NRXN1: variants seen among roughly 807,000 people sequenced by gnomAD.
The protein encoded by NRXN1 is neurexin 1, also known as neurexin-1.
NRXN1 carries 39 observed loss-of-function variants against 150.9 expected under a neutral mutation model. The observed-to-expected ratio is 0.26, with a 90% CI of 0.20 to 0.34. The LOEUF (loss-of-function observed/expected upper bound fraction) is 0.34. Among genes scored for constraint, NRXN1 ranks in the 10% least tolerant of loss-of-function variants. NRXN1 has a pLI of 1.00. For synonymous variants in NRXN1, 924 were observed against 757.0 expected (o/e 1.22, Z -3.62); for missense variants, 1,815 against 1,949.9 (o/e 0.93, Z 1.30).
intron 5 of NRXN1, among the ~76,000 whole-genome samples, chr2:50,741,745 T>C (rs2105275200): frequency 6.6e-6 from 1 of 152,264 alleles, no homozygotes; most frequent in Admixed American, 6.5e-5. Flanking sequence ...AGCACCTTAA[T>C]GAATAAAATG....
chr2:50,755,716 T>C (rs941758625), intron 5 of NRXN1, among the ~76,000 whole-genome samples: 1 of 151,840 alleles, frequency 6.6e-6, no homozygotes, highest in Non-Finnish European at 1.5e-5. Flanking sequence ...TCAAATTGGA[T>C]CACACTTTAC....
chr2:50,416,268 G>A (rs1269416962), intron 17 of NRXN1, among the ~76,000 whole-genome samples: 2 of 152,016 alleles, frequency 1.3e-5, no homozygotes, highest in East Asian at 3.9e-4. Context: ...GCCTCACTGA[G>A]CAAATAAAAT....
intron 5 of NRXN1, among the ~76,000 whole-genome samples, chr2:50,644,982 T>C (rs1245812561): frequency 6.6e-6 from 1 of 152,004 alleles, no homozygotes; most frequent in Admixed American, 6.6e-5. Context: ...CTCTTCAGTT[T>C]GATCTTGCAT....
intron 17 of NRXN1, among the ~76,000 whole-genome samples, chr2:50,422,232 G>A (rs959539222): frequency 6.6e-6 from 1 of 152,032 alleles, no homozygotes; most frequent in Admixed American, 6.6e-5. Context: ...GATGTTAGAG[G>A]CTCTAATTGC....
At chr2:50,931,753 G>A (rs1395653826) in intron 2 of NRXN1, among the ~76,000 whole-genome samples, 1 of 152,004 alleles carries the variant, frequency 6.6e-6, no homozygotes, top group Admixed American at 6.6e-5. Context: ...TAATTTCAAA[G>A]TTTTATGAAA....
At chr2:50,888,277 A>T (rs1291939381) in intron 5 of NRXN1, among the ~76,000 whole-genome samples, 1 of 151,698 alleles carries the variant, frequency 6.6e-6, no homozygotes, top group African/African-American at 2.4e-5. Context: ...ATTGGTCAAG[A>T]TCAAACAATT....
chr2:50,984,477 T>C (rs1404651615), intron 2 of NRXN1, among the ~76,000 whole-genome samples: 1 of 152,080 alleles, frequency 6.6e-6, no homozygotes, highest in Non-Finnish European at 1.5e-5. Flanking sequence ...TACAGACCCT[T>C]TGCCTAATAT....
intron 18 of NRXN1, among the ~76,000 whole-genome samples, chr2:50,210,107 G>T (rs1028207837): frequency 6.6e-6 from 1 of 151,818 alleles, no homozygotes; most frequent in East Asian, 1.9e-4. Flanking sequence ...AACAGAATTG[G>T]TCCAGTCAAG....
At chr2:50,961,798 G>A (rs1381255921) in intron 2 of NRXN1, among the ~76,000 whole-genome samples, 2 of 151,400 alleles carry the variant, frequency 1.3e-5, no homozygotes, top group Non-Finnish European at 3.0e-5. Flanking sequence ...CAACAAGGAG[G>A]GATTTTGTTA....
chr2:50,701,313 T>A (rs1185939863), intron 5 of NRXN1, among the ~76,000 whole-genome samples: 1 of 152,192 alleles, frequency 6.6e-6, no homozygotes, highest in African/African-American at 2.4e-5. Context: ...ATTATTATAT[T>A]GACTCTTCCA....
At position 50,346,832 on chromosome 2, in the gene NRXN1, T is replaced by A; in HGVS notation, c.3365-109862A>T. The A allele has an allele frequency of 6.2e-7, 1 of 1,610,500 alleles. No homozygotes were observed. The highest frequency in any genetic ancestry group is 8.5e-7 in the Non-Finnish European group (1 of 1,178,954). ...GCCACTCCTAGGAGGCCGCTGAGGG[T>A]GAGCGGGACTATCCAAAGCAGGGCC... On this transcript the variant is annotated intron_variant, in intron 17 of 22. Coordinates refer to ENST00000401669, the MANE Select transcript of NRXN1 (RefSeq NM_001330078.2). This position sits in a 1 kb window ranked among gnomAD's most constrained non-coding sequence, Gnocchi z 5.0.
intron 5 of NRXN1, among the ~76,000 whole-genome samples, chr2:50,870,018 G>A (rs1677532731): frequency 6.6e-6 from 1 of 151,856 alleles, no homozygotes; most frequent in Admixed American, 6.6e-5. Context: ...ATTAGAAACT[G>A]TCATTTCTAC....
rs186545827 is a variant in NRXN1, at chr2:50,007,649, G to T, written c.4128+45622C>A. The stretch of plus-strand genomic sequence containing the variant: ...TCTATCATTGATGGACATTTGGCTG[G>T]GTTCCAAGTCTTTGCTATTGTGAAT... On this transcript the variant is annotated intron_variant, in intron 21 of 22. Transcript: ENST00000401669. Among the ~76,000 whole-genome samples, 345 of 152,158 alleles carry T rather than the reference G, an allele frequency of 2.3e-3. 4 individuals carry two copies. The highest frequency in any genetic ancestry group is 8.0e-3 in the African/African-American group (333 of 41,516).
At chr2:50,580,430 T>C (rs1352477347) in intron 8 of NRXN1, among the ~76,000 whole-genome samples, 2 of 151,746 alleles carry the variant, frequency 1.3e-5, no homozygotes, top group African/African-American at 2.4e-5. Flanking sequence ...TGGTGTTAAT[T>C]AACTAAGGTC....
intron 17 of NRXN1, among the ~76,000 whole-genome samples, chr2:50,385,543 T>C (rs574288387): frequency 7.2e-5 from 11 of 152,308 alleles, no homozygotes; most frequent in Non-Finnish European, 1.2e-4. Flanking sequence ...AAACCAACAC[T>C]CTCAGTGGGT....
intron 18 of NRXN1, among the ~76,000 whole-genome samples, chr2:50,092,149 A>T (rs1002784591): frequency 5.3e-5 from 8 of 152,242 alleles, no homozygotes; most frequent in African/African-American, 1.9e-4. Flanking sequence ...CATTTCCCTT[A>T]TTCTTAGATT....
intron 17 of NRXN1, among the ~76,000 whole-genome samples, chr2:50,242,601 T>C (rs914194354): frequency 3.3e-5 from 5 of 151,766 alleles, no homozygotes; most frequent in African/African-American, 7.2e-5. Context: ...TTTCTACCTA[T>C]AATATGTAAC....
At chr2:50,378,654 G>A (rs983269187) in intron 17 of NRXN1, among the ~76,000 whole-genome samples, 1 of 152,086 alleles carries the variant, frequency 6.6e-6, no homozygotes, top group African/African-American at 2.4e-5. Context: ...TCATTTAGGA[G>A]TATTAATAAT....
At chr2:50,188,011 T>C (rs1456601471) in intron 18 of NRXN1, among the ~76,000 whole-genome samples, 4 of 152,128 alleles carry the variant, frequency 2.6e-5, no homozygotes, top group African/African-American at 9.7e-5. Context: ...TATACAAACA[T>C]GTCATCTGCA....
Sources: allele counts gnomAD v4.1 joint callset (sites outside exome capture counted in the v4.1 genomes callset), GRCh38; gene constraint gnomAD v4.1.1; non-coding constraint Gnocchi (gnomAD v3.1); transcripts MANE v1.5; gene names NCBI Gene and HGNC (gene_info 2026-07-23, HGNC 2026-07-21).